The following SRFBP1 variants were observed in gnomAD, a reference collection of about 807,000 sequenced individuals.
SRFBP1 encodes serum response factor binding protein 1.
In SRFBP1, 47 loss-of-function variants were observed where a neutral mutation model predicts 45.5. The ratio of observed to expected loss-of-function variants is 1.03; its 90% confidence interval spans 0.82 to 1.32. The LOEUF (loss-of-function observed/expected upper bound fraction) is 1.32. Ranked by LOEUF, SRFBP1 falls within the 40% of genes most tolerant of loss-of-function variation. The probability of loss-of-function intolerance (pLI) is 0.00; values close to 1 mark genes in which losing one functional copy is unlikely to be tolerated. For missense variants in SRFBP1, 621 were observed against 484.6 expected (o/e 1.28, Z -2.64); for synonymous variants, 203 against 166.3 (o/e 1.22, Z -1.70).
chr5:122,053,262 C>G (rs956555455), intron 2 of SRFBP1, among the ~76,000 whole-genome samples: 6 of 152,086 alleles, frequency 3.9e-5, no homozygotes, highest in African/African-American at 1.4e-4. Context: ...GGAGGCAGGG[C>G]TGGATGGAGT....
intron 2 of SRFBP1, among the ~76,000 whole-genome samples, chr5:122,042,770 A>G (rs1173421391): frequency 6.6e-6 from 1 of 152,106 alleles, no homozygotes; most frequent in Non-Finnish European, 1.5e-5. Flanking sequence ...GACCTTTTCA[A>G]AATTTCATTT....
At chr5:122,064,828 C>T (rs1416179060) in intron 2 of SRFBP1, 1 of 151,948 alleles carries the variant, frequency 6.6e-6, no homozygotes, top group African/African-American at 2.4e-5. Flanking sequence ...GTAAATGTGT[C>T]TTCTCCTATG....
intron 4 of SRFBP1, among the ~76,000 whole-genome samples, chr5:122,018,901 ATTAAT>A (rs1753240027): frequency 6.6e-6 from 1 of 152,160 alleles, no homozygotes; most frequent in African/African-American, 2.4e-5. Flanking sequence ...ATTCTTTGAT[ATTAAT>A]TTAGTCTTCT....
intron 2 of SRFBP1, among the ~76,000 whole-genome samples, chr5:122,073,636 A>G (rs1754521111): frequency 6.6e-6 from 1 of 152,178 alleles, no homozygotes; most frequent in Non-Finnish European, 1.5e-5. Context: ...ACTTTTTCAG[A>G]GAGTAAATTT....
intron 2 of SRFBP1, among the ~76,000 whole-genome samples, chr5:122,071,292 A>G (rs1754445113): frequency 6.6e-6 from 1 of 152,088 alleles, no homozygotes; most frequent in African/African-American, 2.4e-5. Flanking sequence ...ACTAAGGCAC[A>G]CTAAGATCAA....
downstream of SRFBP1, chr5:122,076,919 G>GC: frequency 6.2e-7 from 1 of 1,613,998 alleles, no homozygotes; most frequent in Non-Finnish European, 8.5e-7. Flanking sequence ...CCTCCGCCGC[G>GC]CATCTCAGGT....
rs540498048 is a variant in SRFBP1 at position 121,986,351 on chromosome 5, T to C, written c.199-8248T>C. The stretch of plus-strand genomic sequence containing the variant: ...GCTTAAAATAATGGGATTGATGTAA[T>C]TGGGACAAAAGCCAATGAAGTGAGT... On this transcript the variant is annotated intron_variant, in intron 3 of 7. Transcript: ENST00000339397. Among the ~76,000 whole-genome samples, 9 of 152,052 alleles carry C rather than the reference T, an allele frequency of 5.9e-5. No individual in the cohort carries two copies. In the East Asian group the frequency reaches 1.7e-3, roughly 29 times the overall value.
downstream of SRFBP1, chr5:122,076,989 A>C: frequency 6.2e-7 from 1 of 1,613,544 alleles, no homozygotes; most frequent in Non-Finnish European, 8.5e-7. Flanking sequence ...GTCGGCCACC[A>C]GGTCTGGGAG....
chr5:122,028,830 G>A (rs1196427467), downstream of SRFBP1, among the ~76,000 whole-genome samples: 1 of 152,192 alleles, frequency 6.6e-6, no homozygotes, highest in Non-Finnish European at 1.5e-5. Flanking sequence ...CCACACTGCT[G>A]AGTCTGTCCA....
At chr5:122,050,845 GT>G (rs1190173749) in intron 2 of SRFBP1, among the ~76,000 whole-genome samples, 1 of 151,422 alleles carries the variant, frequency 6.6e-6, no homozygotes, top group African/African-American at 2.4e-5. Flanking sequence ...GTAATGTTAG[GT>G]TGTTAATTTG....
rs780245914 is a variant in SRFBP1 at position 122,026,962 on chromosome 5, C to T, written c.1126C>T (p.Gln376Ter). ...RSLDFPQNEPQIKNQFNKKLS... is the reference protein window; with the variant it reads ...RSLDFPQNEP ...CCTAGATTTTCCACAGAATGAGCCT[C>T]AGATCAAGAATCAGTTTAATAAGAA... is the stretch of plus-strand genomic sequence containing the variant. Residue 376 changes from glutamine (Q) to a stop codon, truncating the protein, a stop_gained, in exon 8 of 8, where the codon CAG becomes TAG. Transcript: ENST00000339397. LOFTEE classifies it low-confidence loss of function (END_TRUNC). 6.2e-7 allele frequency: 1 copy of T among 1,611,224 alleles called. No homozygotes were observed. Among genetic ancestry groups the T allele is most frequent in the Non-Finnish European group, 8.5e-7 (1 of 1,179,042 alleles).
At chr5:122,004,735 G>A (rs112636638) in intron 4 of SRFBP1, among the ~76,000 whole-genome samples, 4 of 152,012 alleles carry the variant, frequency 2.6e-5, no homozygotes, top group African/African-American at 7.2e-5. Context: ...TCTTTGAGGT[G>A]TAACTTGAAG....
intron 3 of SRFBP1, among the ~76,000 whole-genome samples, chr5:121,989,820 T>C (rs911305109): frequency 2.0e-5 from 3 of 152,198 alleles, no homozygotes; most frequent in African/African-American, 7.2e-5. Context: ...TAATTTAGAA[T>C]ACTTATGAGC....
chr5:122,076,845 C>T (rs372100781), downstream of SRFBP1: 3 of 1,550,594 alleles, frequency 1.9e-6, no homozygotes, highest in African/African-American at 4.1e-5. Context: ...CCAGAGCGCC[C>T]CCTGAAGGTA....
Position 121,975,378 on chromosome 5 carries a change from T to C in SRFBP1, c.189T>C (p.His63=), listed in dbSNP as rs771679226. 6.2e-6 allele frequency: 10 copies of C among 1,613,286 alleles called. No homozygotes were observed. The Admixed American group carries it at 1.3e-4, about 22-fold the overall frequency. The change falls in exon 3 of 8, where the codon CAT becomes CAC. Residue 63 remains histidine (H), a synonymous_variant. Transcript: ENST00000339397. The part of the protein sequence containing the change: ...RRAQRLLEEI[H]AMKELKPDIV... ...CGCAAAGATTGCTTGAAGAAATCCA[T>C]GCCATGAAGGTAAGGACTTGTGTGG...
intron 4 of SRFBP1, among the ~76,000 whole-genome samples, chr5:122,016,796 G>A (rs527800862): frequency 3.3e-5 from 5 of 152,216 alleles, no homozygotes; most frequent in Admixed American, 6.5e-5. Flanking sequence ...TTCACTTTGC[G>A]CTGTACTTAA....
At chr5:121,993,848 G>C (rs1752664210) in intron 3 of SRFBP1, among the ~76,000 whole-genome samples, 1 of 151,880 alleles carries the variant, frequency 6.6e-6, no homozygotes, top group African/African-American at 2.4e-5. Context: ...TTTAATTCCA[G>C]GTGGAAGGGC....
At chr5:122,077,340 C>T (rs751919704), downstream of SRFBP1, 3 of 1,613,472 alleles carry the variant, frequency 1.9e-6, no homozygotes, top group African/African-American at 2.7e-5. The surrounding 1 kb of genome is among the most constrained non-coding windows in gnomAD (Gnocchi z 4.9). Flanking sequence ...TTCCAGCGGA[C>T]TTGGGGGTAC....
intron 2 of SRFBP1, among the ~76,000 whole-genome samples, chr5:122,070,959 C>T (rs1754433062): frequency 6.6e-6 from 1 of 152,082 alleles, no homozygotes. Flanking sequence ...CAGTGAAATC[C>T]TCCCCAGTTT....
Sources: allele counts gnomAD v4.1 joint callset (sites outside exome capture counted in the v4.1 genomes callset), GRCh38; gene constraint gnomAD v4.1.1; non-coding constraint Gnocchi (gnomAD v3.1); transcripts MANE v1.5; gene names NCBI Gene and HGNC (gene_info 2026-07-23, HGNC 2026-07-21).